The following LHX1 variants were observed in gnomAD, a reference collection of about 807,000 sequenced individuals.
LHX1 encodes LIM homeobox 1, also known as LIM/homeobox protein Lhx1.
LHX1 carries 9 observed loss-of-function variants against 34.1 expected under a neutral mutation model. The observed-to-expected ratio is 0.26, with a 90% CI of 0.16 to 0.46. LHX1 has a LOEUF of 0.46. Among genes scored for constraint, LHX1 ranks in the 20% least tolerant of loss-of-function variants. The pLI, the probability that LHX1 is intolerant of heterozygous loss-of-function variation, is 1.00. For missense variants in LHX1, 446 were observed against 559.1 expected (o/e 0.80, Z 2.04); for synonymous variants, 254 against 241.5 (o/e 1.05, Z -0.48).
Position 36,943,000 on chromosome 17 carries a change from C to T in LHX1, c.1090C>T (p.Pro364Ser). The change falls in exon 5 of 5, where the codon CCT (proline) becomes TCT (serine). Residue 364 changes from proline to serine, a missense_variant. Physicochemically the swap from Pro to Ser is moderately conservative, Grantham distance 74. Coordinates refer to ENST00000614239, the MANE Select transcript of LHX1 (RefSeq NM_005568.5). ...CAGCCCCGAGCCCAGCCTGCCCGGG[C>T]CTCTGCACTCCATGTCGGCCGAGGT... The part of the protein sequence containing the change: ...SPSPEPSLPG[P>S]LHSMSAEVFG... The T allele has an allele frequency of 1.2e-6, 2 of 1,611,148 alleles. No homozygotes were observed. Among genetic ancestry groups the T allele is most frequent in the Non-Finnish European group, 8.5e-7 (1 of 1,179,012 alleles).
chr17:36,941,432 G>A, intron 3 of LHX1: 1 of 326,414 alleles, frequency 3.1e-6, no homozygotes, highest in South Asian at 2.5e-5. Flanking sequence ...TTGGGTATGG[G>A]AGCCTACCTG....
At chr17:36,941,696 A>C (rs1221947757) in intron 3 of LHX1, among the ~76,000 whole-genome samples, 1 of 152,242 alleles carries the variant, frequency 6.6e-6, no homozygotes, top group Non-Finnish European at 1.5e-5. Flanking sequence ...ACTATTGGCA[A>C]GAGGCTGTGG....
Position 36,942,290 on chromosome 17 carries a change from C to A in LHX1, c.766C>A (p.Arg256Ser). The A allele has an allele frequency of 1.9e-6, 3 of 1,595,496 alleles. No homozygotes were observed. The highest frequency in any genetic ancestry group is 2.6e-6 in the Non-Finnish European group (3 of 1,172,632). Residue 256 changes from arginine to serine, a missense_variant, in exon 4 of 5, where the codon CGC (arginine) becomes AGC (serine). Coordinates refer to ENST00000614239, the MANE Select transcript of LHX1 (RefSeq NM_005568.5). Reference sequence around the variant, plus strand: ...GCGCCACGCCTTCTTCCGCAGTCCGCGCCGGATGCGGCCGCTGGTGGACCG... The same window carrying A: ...GCGCCACGCCTTCTTCCGCAGTCCGAGCCGGATGCGGCCGCTGGTGGACCG... The part of the protein sequence containing the change: ...ARRHAFFRSP[R>S]RMRPLVDRLE...
Position 36,944,575 on chromosome 17 carries a change from T to C in LHX1, c.*1444T>C, listed in dbSNP as rs1444079411. On this transcript the variant is annotated 3_prime_UTR_variant, in exon 5 of 5. Coordinates refer to ENST00000614239, the MANE Select transcript of LHX1 (RefSeq NM_005568.5). ...ATGAAAGAAAACATGTTGAATAAATTTGTGAGTTTTTAATAAAAATAGAAA... is the reference window on the plus strand; with the variant it reads ...ATGAAAGAAAACATGTTGAATAAATCTGTGAGTTTTTAATAAAAATAGAAA... The C allele has an allele frequency of 3.3e-5, 5 of 152,228 alleles. No homozygotes were observed. The highest frequency in any genetic ancestry group is 7.3e-5 in the Non-Finnish European group (5 of 68,040). The allele number at this position is 152,228 out of a possible 1,614,324, so 9.4% of individuals were successfully genotyped here.
chr17:36,940,049 C>G (rs978696752), intron 1 of LHX1: 1 of 597,072 alleles, frequency 1.7e-6, no homozygotes, highest in Non-Finnish European at 3.0e-6. Context: ...CGCGTGTATC[C>G]CCTCCCTAAC....
At chr17:36,937,375 G>A, upstream of LHX1, 1 of 336,298 alleles carries the variant, frequency 3.0e-6, no homozygotes, top group Non-Finnish European at 5.8e-6. Context: ...AGGAGCGAGT[G>A]CGCCTGGCTG....
In LHX1 at chr17:36,940,524, C is replaced by T. The variant is rs374676509; in HGVS notation, c.397+8C>T. The T allele has an allele frequency of 2.0e-5, 32 of 1,613,642 alleles. No homozygotes were observed. In the South Asian group the frequency reaches 3.2e-4, roughly 16 times the overall value. On this transcript the variant is annotated splice_region_variant and intron_variant, in intron 2 of 4. Coordinates refer to ENST00000614239, the MANE Select transcript of LHX1 (RefSeq NM_005568.5). ...AGAACAGCCTTCACTCGGGTGAGGC[C>T]CCAATTCCTGGCTGGCTAGGTGCAA...
rs1449030519 is a variant in LHX1 at position 36,937,643 on chromosome 17, A to G, written c.-555A>G. The G allele has an allele frequency of 8.8e-6, 3 of 340,062 alleles. No individual in the cohort carries two copies. Among genetic ancestry groups the G allele is most frequent in the Non-Finnish European group, 1.7e-5 (3 of 172,400 alleles). The allele number at this position is 340,062 out of a possible 1,614,324, so 21.1% of individuals were successfully genotyped here. A position where few individuals can be genotyped will look rare whatever the true frequency, so the allele number is the denominator to read the frequency against. ...TTTTGTTCTTTCCTTCCCTTTTTTA[A>G]AAAAAGAGGGGGGAAATCCCAGTGG... On this transcript the variant is annotated 5_prime_UTR_variant, in exon 1 of 5. Coordinates refer to ENST00000614239, the MANE Select transcript of LHX1 (RefSeq NM_005568.5).
intron 1 of LHX1, 45 bp downstream of exon 1, chr17:36,938,412 C>T (rs1231250478): frequency 6.3e-7 from 1 of 1,587,546 alleles, no homozygotes; most frequent in Non-Finnish European, 8.6e-7. Flanking sequence ...TCCCCGCGGG[C>T]CCTTCCCGGC....
chr17:36,938,027 T>G lies in LHX1; in HGVS notation c.-171T>G. 1 of 662,706 alleles carries G rather than the reference T, an allele frequency of 1.5e-6. No individual in the cohort carries two copies. Among genetic ancestry groups the G allele is most frequent in the South Asian group, 1.8e-5 (1 of 54,866 alleles). 41.1% of individuals were successfully genotyped at this position (662,706 alleles called of 1,614,324 possible). Reference sequence around the variant, plus strand: ...CCCCCCAGGCCCCGATCAGCCTCGTTTCCTCCACCCTACTTTGATTTCCTG... The same window carrying G: ...CCCCCCAGGCCCCGATCAGCCTCGTGTCCTCCACCCTACTTTGATTTCCTG... On this transcript the variant is annotated 5_prime_UTR_variant, in exon 1 of 5. Transcript: ENST00000614239.
chr17:36,938,212 C>G lies in LHX1; in HGVS notation c.15C>G (p.Ala5=), dbSNP rs142631346. The G allele has an allele frequency of 5.3e-5, 85 of 1,613,832 alleles. No individual in the cohort carries two copies. The African/African-American group carries it at 9.2e-4, about 17-fold the overall frequency. The change falls in exon 1 of 5, where the codon GCC becomes GCG. Residue 5 remains alanine, a synonymous_variant. Coordinates refer to ENST00000614239, the MANE Select transcript of LHX1 (RefSeq NM_005568.5). ...AACCAAAGACCATGGTTCACTGTGC[C>G]GGCTGCAAAAGGCCCATCCTGGACC... The part of the protein sequence containing the change: MVHC[A]GCKRPILDRF...
chr17:36,941,106 A>T (rs777345312), intron 3 of LHX1: 6 of 782,274 alleles, frequency 7.7e-6, no homozygotes, highest in Non-Finnish European at 1.3e-5. Context: ...TGATCGTGGC[A>T]GTGGAGGGGG....
chr17:36,942,117 T>G, intron 3 of LHX1, 83 bp from the exon 4 acceptor site: 1 of 1,426,930 alleles, frequency 7.0e-7, no homozygotes, highest in Non-Finnish European at 9.5e-7. Context: ...AGCCAGGCGG[T>G]GAAGGGGTGC....
intron 3 of LHX1, chr17:36,941,505 T>C (rs1422584442): frequency 1.0e-5 from 3 of 298,840 alleles, no homozygotes; most frequent in Non-Finnish European, 2.0e-5. Context: ...CCAGGGGGAG[T>C]CTCTGGCTCA....
At chr17:36,942,389 G>T in intron 4 of LHX1, 24 bp downstream of exon 4, 1 of 1,565,008 alleles carries the variant, frequency 6.4e-7, no homozygotes, top group Non-Finnish European at 8.7e-7. Flanking sequence ...GAATGGCGGG[G>T]CGCGGCCAGG....
chr17:36,941,530 G>A (rs1218665547), intron 3 of LHX1: 3 of 256,852 alleles, frequency 1.2e-5, no homozygotes, highest in Non-Finnish European at 2.3e-5. Flanking sequence ...TAGGTGTCCG[G>A]TTCACCGGGC....
rs1597690443 is a variant in LHX1, at chr17:36,942,886, G to C, written c.976G>C (p.Gly326Arg). 1 of 1,595,200 alleles carries C rather than the reference G, an allele frequency of 6.3e-7. No individual in the cohort carries two copies. The highest frequency in any genetic ancestry group is 8.5e-7 in the Non-Finnish European group (1 of 1,170,998). The part of the protein sequence containing the change: ...SSGPSGTPLG[G>R]LEHPLPGHHP... ...TGGGCCGTCCGGGACGCCCCTGGGTGGCCTGGAGCACCCGCTGCCGGGCCA... is the reference window on the plus strand; with the variant it reads ...TGGGCCGTCCGGGACGCCCCTGGGTCGCCTGGAGCACCCGCTGCCGGGCCA... Residue 326 changes from glycine (G) to arginine (R), a missense_variant, in exon 5 of 5, where the codon GGC becomes CGC. Coordinates refer to ENST00000614239, the MANE Select transcript of LHX1 (RefSeq NM_005568.5).
Position 36,937,863 on chromosome 17 carries a change from T to C in LHX1, c.-335T>C, listed in dbSNP as rs1209128341. ...GTTCCCGCCGCCGTTCTCGCTGACC[T>C]TCACTCCTCCGCGGGCTCTGAGCAG... On this transcript the variant is annotated 5_prime_UTR_variant, in exon 1 of 5. Transcript: ENST00000614239. The C allele has an allele frequency of 1.7e-6, 1 of 594,274 alleles. No individual in the cohort carries two copies. Among genetic ancestry groups the C allele is most frequent in the Admixed American group, 2.2e-5 (1 of 46,082 alleles). 36.8% of individuals were successfully genotyped at this position (594,274 alleles called of 1,614,324 possible). A position where few individuals can be genotyped will look rare whatever the true frequency, so the allele number is the denominator to read the frequency against.
intron 1 of LHX1, chr17:36,938,668 G>A: frequency 1.9e-6 from 1 of 525,150 alleles, no homozygotes; most frequent in Non-Finnish European, 3.5e-6. Context: ...GCAGCCTCGG[G>A]CGTTGTAGCC....
Sources: gnomAD v4.1 joint callset for allele counts (sites outside exome capture counted in the v4.1 genomes callset) on GRCh38, gnomAD v4.1.1 for gene constraint, MANE v1.5 for transcripts, NCBI Gene and HGNC (gene_info 2026-07-23, HGNC 2026-07-21) for gene names.